SGCD: variants seen among roughly 807,000 people sequenced by gnomAD.
SGCD encodes the protein sarcoglycan delta.
In SGCD, 18 loss-of-function variants were observed where a neutral mutation model predicts 36.6. That is an observed-to-expected ratio of 0.49 (90% CI 0.34 to 0.73). The LOEUF (loss-of-function observed/expected upper bound fraction) is 0.73, where lower values mean the gene tolerates loss of function less well. SGCD is among the 30% of genes least tolerant of loss of function. The probability of loss-of-function intolerance (pLI) is 0.01; values close to 1 mark genes in which losing one functional copy is unlikely to be tolerated. For synonymous variants in SGCD, 133 were observed against 130.6 expected, an observed-to-expected ratio of 1.02 and a Z score of -0.12; for missense variants, 387 against 346.7, an observed-to-expected ratio of 1.12 and a Z score of -0.92.
chr5:156,056,238 G>T (rs1222315944), intron 1 of SGCD, among the ~76,000 whole-genome samples: 1 of 145,686 alleles, frequency 6.9e-6, no homozygotes, highest in Admixed American at 6.9e-5. Context: ...ACTAACTTTG[G>T]GAGGAACTTA....
At chr5:155,824,300 G>A in the SGCD span, among the ~76,000 whole-genome samples, 2 of 152,012 alleles carry the variant, frequency 1.3e-5, no homozygotes, top group Non-Finnish European at 2.9e-5. Context: ...TGTAAAATGG[G>A]GACTGTAATA....
the SGCD span, among the ~76,000 whole-genome samples, chr5:155,799,810 CCCTTTTTTTTTT>C: frequency 2.2e-5 from 2 of 90,276 alleles, no homozygotes; most frequent in Non-Finnish European, 4.2e-5. Context: ...CTTCCTATTC[CCCTTTTTTTTTT>C]TTTTTTTTTT....
intron 1 of SGCD, among the ~76,000 whole-genome samples, chr5:155,990,091 T>C (rs1401574584): frequency 6.6e-6 from 1 of 152,206 alleles, no homozygotes; most frequent in Admixed American, 6.5e-5. Context: ...GAGAGACAAC[T>C]GCTGTCAGAG....
intron 3 of SGCD, among the ~76,000 whole-genome samples, chr5:156,158,827 A>C (rs891558671): frequency 6.6e-6 from 1 of 151,574 alleles, no homozygotes; most frequent in Non-Finnish European, 1.5e-5. Context: ...ATCACACAGC[A>C]TACTAGCATG....
At chr5:155,956,401 A>G (rs1280991240) in intron 1 of SGCD, among the ~76,000 whole-genome samples, 6 of 152,166 alleles carry the variant, frequency 3.9e-5, no homozygotes, top group Admixed American at 2.0e-4. Flanking sequence ...AGAAGAAATC[A>G]AAATTACAAA....
intron 7 of SGCD, among the ~76,000 whole-genome samples, chr5:156,734,841 A>T (rs191294497): frequency 2.3e-3 from 347 of 152,220 alleles, no homozygotes; most frequent in Non-Finnish European, 4.0e-3. Context: ...CTTTGTTCTG[A>T]TCCATATTCT....
chr5:155,822,336 G>A, the SGCD span, among the ~76,000 whole-genome samples: 3 of 152,260 alleles, frequency 2.0e-5, no homozygotes, highest in South Asian at 4.1e-4. Context: ...TCAGCTGCAC[G>A]GTAGGGTACA....
intron 3 of SGCD, among the ~76,000 whole-genome samples, chr5:156,210,434 CATA>C (rs760554152): frequency 1.3e-3 from 193 of 151,962 alleles, no homozygotes; most frequent in Admixed American, 2.2e-3. Flanking sequence ...ACCAAAAGGA[CATA>C]ATAAAATCTC....
At chr5:155,942,681 GACAGAA>G (rs1230283571) in intron 1 of SGCD, among the ~76,000 whole-genome samples, 1 of 151,364 alleles carries the variant, frequency 6.6e-6, no homozygotes, top group Non-Finnish European at 1.5e-5. Context: ...AAATAACAAT[GACAGAA>G]ACAGATTTCA....
At chr5:156,134,984 A>T (rs1762420961) in intron 3 of SGCD, among the ~76,000 whole-genome samples, 1 of 152,150 alleles carries the variant, frequency 6.6e-6, no homozygotes, top group Admixed American at 6.5e-5. Flanking sequence ...AGTGATCATT[A>T]TAATTGTATT....
At chr5:156,470,844 A>G (rs1227807879) in intron 3 of SGCD, among the ~76,000 whole-genome samples, 2 of 152,228 alleles carry the variant, frequency 1.3e-5, no homozygotes, top group South Asian at 2.1e-4. Flanking sequence ...GTTTCCTTAA[A>G]TAAATATTTG....
chr5:156,609,673 C>T (rs899628281), intron 6 of SGCD, among the ~76,000 whole-genome samples: 1 of 152,222 alleles, frequency 6.6e-6, no homozygotes, highest in African/African-American at 2.4e-5. Flanking sequence ...CCGTCACTTT[C>T]AGGTACACCA....
chr5:155,921,900 G>A (rs1207400830), intron 1 of SGCD, among the ~76,000 whole-genome samples: 1 of 152,202 alleles, frequency 6.6e-6, no homozygotes, highest in Non-Finnish European at 1.5e-5. Context: ...CTCGGCTAGA[G>A]TAATTCAGTT....
At chr5:156,348,533 G>C (rs893700512) in intron 3 of SGCD, among the ~76,000 whole-genome samples, 3 of 152,036 alleles carry the variant, frequency 2.0e-5, no homozygotes, top group African/African-American at 7.2e-5. Context: ...TACCTAGGAA[G>C]ATACTTAAGC....
At chr5:156,460,188 T>C (rs184560233) in intron 3 of SGCD, among the ~76,000 whole-genome samples, 9 of 152,294 alleles carry the variant, frequency 5.9e-5, no homozygotes, top group African/African-American at 2.2e-4. Flanking sequence ...TACCCTCAAC[T>C]GTGGGCAGTC....
At chr5:155,823,274 A>C in the SGCD span, among the ~76,000 whole-genome samples, 1 of 148,800 alleles carries the variant, frequency 6.7e-6, no homozygotes, top group Non-Finnish European at 1.5e-5. Context: ...GCAGGACAAG[A>C]TGAGCTGTCC....
intron 2 of SGCD, among the ~76,000 whole-genome samples, chr5:156,119,216 A>C (rs905258331): frequency 1.3e-5 from 2 of 152,062 alleles, no homozygotes; most frequent in African/African-American, 4.8e-5. Flanking sequence ...ATTCCTTTGG[A>C]TTTTAAGTTG....
chr5:156,089,029 TC>T (rs1761172218), intron 1 of SGCD, among the ~76,000 whole-genome samples: 1 of 152,142 alleles, frequency 6.6e-6, no homozygotes, highest in Non-Finnish European at 1.5e-5. Flanking sequence ...TGGCACCTTG[TC>T]CCCTGGATGG....
intron 1 of SGCD, among the ~76,000 whole-genome samples, chr5:156,060,238 G>A (rs1311657791): frequency 2.0e-5 from 3 of 146,352 alleles, no homozygotes; most frequent in Middle Eastern, 3.6e-3. Context: ...GAAATGTGGA[G>A]ACCAAACTGA....
Sources: gnomAD v4.1 joint callset for allele counts (sites outside exome capture counted in the v4.1 genomes callset) on GRCh38, gnomAD v4.1.1 for gene constraint, MANE v1.5 for transcripts, NCBI Gene and HGNC (gene_info 2026-07-23, HGNC 2026-07-21) for gene names.